Variants in ANO2 observed in about 807,000 individuals in gnomAD.
ANO2 encodes the protein anoctamin 2, also known as anoctamin-2.
ANO2 carries 101 observed loss-of-function variants against 124.2 expected under a neutral mutation model. The ratio of observed to expected loss-of-function variants is 0.81; its 90% CI spans 0.69 to 0.96. The LOEUF (loss-of-function observed/expected upper bound fraction) is 0.96. Ranked by LOEUF, ANO2 falls within the 40% of genes least tolerant of loss-of-function variation. The pLI is 0.00. For synonymous variants in ANO2, 486 were observed against 482.5 expected, an observed-to-expected ratio of 1.01 and a Z score of -0.09; for missense variants, 1,293 against 1,274.5, an observed-to-expected ratio of 1.01 and a Z score of -0.22.
chr12:5,750,968 T>C lies in ANO2; in HGVS notation c.1058A>G (p.Lys353Arg), dbSNP rs761790921. 3 of 1,593,620 alleles carry C rather than the reference T, an allele frequency of 1.9e-6. No individual in the cohort carries two copies. The highest frequency in any genetic ancestry group is 4.5e-5 in the East Asian group (2 of 44,634). Reference protein sequence around the residue: ...YKFQPIDLIRKYFGEKIGLYF... With the variant: ...YKFQPIDLIRRYFGEKIGLYF... ...CAGTCCAATTTTTTCTCCAAAATAC[T>C]TTCTGGAAAAGAAAGAAAAGAAAAT... Residue 353 changes from lysine to arginine, a missense_variant and splice_region_variant, in exon 11 of 25, where the codon AAG becomes AGG. Lys to Arg is a conservative substitution (Grantham distance 26, BLOSUM62 2). Transcript: ENST00000682330.
At chr12:5,655,925 G>A (rs544977172) in intron 14 of ANO2, among the ~76,000 whole-genome samples, 20 of 152,100 alleles carry the variant, frequency 1.3e-4, no homozygotes, top group Middle Eastern at 3.2e-3. Flanking sequence ...CAAAACTCAG[G>A]AAGGGACATA....
At chr12:5,919,991 C>T (rs537745662) in intron 3 of ANO2, among the ~76,000 whole-genome samples, 1 of 150,632 alleles carries the variant, frequency 6.6e-6, no homozygotes, top group Non-Finnish European at 1.5e-5. Flanking sequence ...GTCACCGCGC[C>T]TGGCAAGGGA....
At chr12:5,678,438 G>C (rs1237864854) in intron 14 of ANO2, among the ~76,000 whole-genome samples, 1 of 152,166 alleles carries the variant, frequency 6.6e-6, no homozygotes, top group African/African-American at 2.4e-5. Flanking sequence ...TCCAGGCTCT[G>C]GGTTAGGAAG....
chr12:5,597,331 T>A (rs914624200), intron 20 of ANO2, among the ~76,000 whole-genome samples: 2 of 152,172 alleles, frequency 1.3e-5, no homozygotes, highest in Non-Finnish European at 2.9e-5. Flanking sequence ...CTCCCACTTA[T>A]AAGTGAAAAC....
intron 3 of ANO2, among the ~76,000 whole-genome samples, chr12:5,857,588 A>G (rs1464352504): frequency 1.3e-5 from 2 of 151,938 alleles, no homozygotes; most frequent in Non-Finnish European, 2.9e-5. Flanking sequence ...GATGATATCT[A>G]ATTGTGATTT....
At chr12:5,941,472 G>A (rs115809240) in intron 1 of ANO2, among the ~76,000 whole-genome samples, 2,437 of 151,634 alleles carry the variant, frequency 0.016, 72 homozygotes, top group African/African-American at 0.056. Flanking sequence ...AAACTAGTAG[G>A]GCGATACCAA....
rs1262366237 is a variant in ANO2, at chr12:5,862,055, C to T, written c.535-7914G>A. ...CTTCCTTTTGGCTCTCAAGAATGTA[C>T]AGCCTCTGATTCGGAGCAGGCTCTG... On this transcript the variant is annotated intron_variant, in intron 3 of 24. Transcript: ENST00000682330. This position sits in a 1 kb window ranked among gnomAD's most constrained non-coding sequence, Gnocchi z 4.0. Among the ~76,000 whole-genome samples the T allele has an allele frequency of 6.6e-6, 1 of 152,186 alleles. No individual in the cohort carries two copies. Among genetic ancestry groups the T allele is most frequent in the Non-Finnish European group, 1.5e-5 (1 of 68,036 alleles).
Position 5,599,531 on chromosome 12 carries a change from T to C in ANO2, c.2186A>G (p.Tyr729Cys). 8.7e-6 allele frequency: 14 copies of C among 1,613,818 alleles called. No homozygotes were observed. Among genetic ancestry groups the C allele is most frequent in the Non-Finnish European group, 1.1e-5 (13 of 1,179,836 alleles). ...SKHPEQWDLD[Y>C]SLEPYTGLTP... ...CAGTCCTGTGTATGGTTCCAAGCTG[T>C]AGTCTAGGTCCCACTGCTCTGGATG... The change falls in exon 20 of 25, where the codon TAC becomes TGC. Residue 729 changes from tyrosine to cysteine, a missense_variant. Transcript: ENST00000682330.
chr12:5,836,214 G>A (rs746892277), intron 4 of ANO2, among the ~76,000 whole-genome samples: 30 of 152,062 alleles, frequency 2.0e-4, no homozygotes, highest in Non-Finnish European at 2.9e-4. Flanking sequence ...TTGCCAGATC[G>A]AACAAATAAA....
At chr12:5,840,721 G>A (rs1045260653) in intron 4 of ANO2, among the ~76,000 whole-genome samples, 2 of 152,202 alleles carry the variant, frequency 1.3e-5, no homozygotes, top group Non-Finnish European at 2.9e-5. Context: ...ATGCAGACCA[G>A]ACCTAAGAAC....
intron 10 of ANO2, among the ~76,000 whole-genome samples, chr12:5,781,697 G>A (rs1952400613): frequency 6.9e-6 from 1 of 145,312 alleles, no homozygotes; most frequent in Non-Finnish European, 1.5e-5. Flanking sequence ...GTTTAGGTCA[G>A]CTTGCAACAG....
intron 4 of ANO2, among the ~76,000 whole-genome samples, chr12:5,847,217 C>T (rs1300023456): frequency 6.6e-6 from 1 of 152,216 alleles, no homozygotes; most frequent in Non-Finnish European, 1.5e-5. Context: ...TTCTGCCTGA[C>T]TGCATGAGCT....
chr12:5,903,674 T>TGTGTGTGTGG lies in ANO2; in HGVS notation c.534+17365_534+17366insCCACACACAC, dbSNP rs1031011707. On this transcript the variant is annotated intron_variant, in intron 3 of 24. Coordinates refer to ENST00000682330, the MANE Select transcript of ANO2 (RefSeq NM_001364791.2). ...GTGTGTGTGTGTGTGTGTGTGTGTG[T>TGTGTGTGTGG]GTGGGTGTAGACAGCAAGGTCTGTG... Among the ~76,000 whole-genome samples the TGTGTGTGTGG allele has an allele frequency of 1.2e-4, 18 of 151,716 alleles. 1 individual carries two copies. The highest frequency in any genetic ancestry group is 4.1e-4 in the African/African-American group (17 of 41,184).
At chr12:5,797,768 G>A (rs1396803649) in intron 10 of ANO2, among the ~76,000 whole-genome samples, 2 of 152,188 alleles carry the variant, frequency 1.3e-5, no homozygotes, top group African/African-American at 2.4e-5. Flanking sequence ...CCCAGGGACC[G>A]TGGGAGTGTT....
At position 5,854,087 on chromosome 12, in the gene ANO2, C is replaced by T. The variant is rs745565812; in HGVS notation, c.589G>A (p.Ala197Thr). The T allele has an allele frequency of 3.8e-5, 61 of 1,613,480 alleles. 2 individuals are homozygous for T. In the South Asian group the frequency reaches 6.6e-4, roughly 17 times the overall value. ...ATCTTCAAGAATTCTGCCTCTCTGG[C>T]CAGCACCTGCCACGGGGCGTGTATC... Reference protein sequence around the residue: ...VRIHAPWQVLAREAEFLKIKV... With the variant: ...VRIHAPWQVLTREAEFLKIKV... Residue 197 changes from alanine (A) to threonine (T), a missense_variant, in exon 4 of 25, where the codon GCC (alanine) becomes ACC (threonine). Transcript: ENST00000682330.
chr12:5,917,565 C>CTTTTTTTTTTTTTTT (rs1275136752), intron 3 of ANO2, among the ~76,000 whole-genome samples: 1 of 100,632 alleles, frequency 9.9e-6, no homozygotes, highest in African/African-American at 3.3e-5. Flanking sequence ...TCTCTTTTTT[C>CTTTTTTTTTTTTTTT]TTTTTTTTTT....
intron 20 of ANO2, among the ~76,000 whole-genome samples, chr12:5,585,178 A>G (rs1943043851): frequency 1.3e-5 from 2 of 151,968 alleles, no homozygotes; most frequent in Admixed American, 1.3e-4. Context: ...TAGAAGACGC[A>G]TAAGAAAATT....
chr12:5,591,535 G>A (rs1943393728), intron 20 of ANO2, among the ~76,000 whole-genome samples: 3 of 152,146 alleles, frequency 2.0e-5, no homozygotes, highest in Non-Finnish European at 4.4e-5. Flanking sequence ...TTCTTTAGTA[G>A]GTCCAGACTT....
chr12:5,705,696 T>C (rs1031910142), intron 14 of ANO2, among the ~76,000 whole-genome samples: 2 of 152,248 alleles, frequency 1.3e-5, no homozygotes, highest in Non-Finnish European at 2.9e-5. Context: ...AACTAGACAT[T>C]AATGGAGTTC....
Sources: allele counts gnomAD v4.1 joint callset (sites outside exome capture counted in the v4.1 genomes callset), GRCh38; gene constraint gnomAD v4.1.1; non-coding constraint Gnocchi (gnomAD v3.1); transcripts MANE v1.5; gene names NCBI Gene and HGNC (gene_info 2026-07-23, HGNC 2026-07-21).